TRPM6: variants seen among roughly 807,000 people sequenced by gnomAD.
TRPM6 encodes channel kinase 2.
Under a neutral mutation model 247.6 loss-of-function variants are expected in TRPM6, and 111 were observed. The ratio of observed to expected loss-of-function variants is 0.45; its 90% confidence interval spans 0.38 to 0.52. The LOEUF (loss-of-function observed/expected upper bound fraction) is 0.52. Among genes scored for constraint, TRPM6 ranks in the 20% least tolerant of loss-of-function variants. TRPM6 has a pLI of 0.00. For synonymous variants in TRPM6, 892 were observed against 853.8 expected (o/e 1.04, Z -0.78); for missense variants, 2,126 against 2,421.5 (o/e 0.88, Z 2.56).
intron 1 of TRPM6, among the ~76,000 whole-genome samples, chr9:74,876,083 T>A (rs945571179): frequency 6.6e-5 from 10 of 152,150 alleles, no homozygotes; most frequent in Admixed American, 5.2e-4. Flanking sequence ...TAACAATTTA[T>A]TTATTTACTT....
rs565971914 is a variant in TRPM6, at chr9:74,773,145, C to T, written c.3404-1310G>A. Among the ~76,000 whole-genome samples the T allele has an allele frequency of 7.9e-5, 12 of 152,188 alleles. No individual in the cohort carries two copies. The East Asian group carries it at 2.3e-3, about 29-fold the overall frequency. ...CCATCTCAAACAACAACAACAACAA[C>T]AACAACAAAAACCCTACCAATCTAT... On this transcript the variant is annotated intron_variant, in intron 24 of 38. Coordinates refer to ENST00000360774, the MANE Select transcript of TRPM6 (RefSeq NM_017662.5).
At chr9:74,798,483 CA>C in intron 17 of TRPM6, among the ~76,000 whole-genome samples, 1 of 152,242 alleles carries the variant, frequency 6.6e-6, no homozygotes, top group East Asian at 1.9e-4. Flanking sequence ...AATCTCTAGA[CA>C]ACTTCCTGAA....
chr9:74,723,823 T>TAAA lies in TRPM6; in HGVS notation c.*789_*790insTTT, dbSNP rs1418430478. ...AAAAATAAAAATATATATATATATA[T>TAAA]ATAAAATATATATATTCCATATGTA... is the stretch of plus-strand genomic sequence containing the variant. On this transcript the variant is annotated 3_prime_UTR_variant, in exon 39 of 39. Transcript: ENST00000360774. 6.2e-3 allele frequency: 906 copies of TAAA among 145,722 alleles called. 6 individuals are homozygous for TAAA. Among genetic ancestry groups the TAAA allele is most frequent in the Middle Eastern group, 0.018 (5 of 280 alleles). 9.0% of individuals were successfully genotyped at this position (145,722 alleles called of 1,614,324 possible). A position where few individuals can be genotyped will look rare whatever the true frequency, so the allele number is the denominator to read the frequency against.
At chr9:74,863,651 G>A (rs1007487505) in intron 1 of TRPM6, among the ~76,000 whole-genome samples, 2 of 151,994 alleles carry the variant, frequency 1.3e-5, no homozygotes, top group East Asian at 3.9e-4. Flanking sequence ...GCGCGATCTC[G>A]GCTCACTGCG....
chr9:74,786,251 C>G (rs1827659958), intron 20 of TRPM6, 126 bp from the exon 21 acceptor site: 23 of 1,011,914 alleles, frequency 2.3e-5, no homozygotes, highest in Non-Finnish European at 7.5e-6. Context: ...CCTTAAATCA[C>G]TTGCGGATTT....
chr9:74,745,446 A>AGT lies in TRPM6; in HGVS notation c.5084-1303_5084-1302dup, dbSNP rs759532835. On this transcript the variant is annotated intron_variant, in intron 31 of 38. Transcript: ENST00000360774. ...AATAAATATATAGTGCATATAGTAT[A>AGT]GTGTGTGTGTGTGTGCGTGTGTGTG... Among the ~76,000 whole-genome samples the AGT allele has an allele frequency of 1.0e-3, 154 of 150,588 alleles. 2 individuals carry two copies. The Middle Eastern group carries it at 0.024, about 23-fold the overall frequency.
intron 38 of TRPM6, among the ~76,000 whole-genome samples, chr9:74,727,040 T>C (rs1451273376): frequency 6.6e-6 from 1 of 152,076 alleles, no homozygotes; most frequent in African/African-American, 2.4e-5. Flanking sequence ...GACCACTATA[T>C]TCCCAGTGGA....
intron 13 of TRPM6, among the ~76,000 whole-genome samples, chr9:74,809,805 C>A (rs1455656992): frequency 6.6e-6 from 1 of 151,662 alleles, no homozygotes; most frequent in Non-Finnish European, 1.5e-5. Context: ...ATGGTGAAAC[C>A]CCACGTCTAC....
chr9:74,729,068 C>T (rs549714898), intron 37 of TRPM6, among the ~76,000 whole-genome samples: 3 of 152,264 alleles, frequency 2.0e-5, no homozygotes, highest in Non-Finnish European at 2.9e-5. Flanking sequence ...AGTGTTCATC[C>T]GTTATCATAT....
intron 7 of TRPM6, among the ~76,000 whole-genome samples, chr9:74,824,298 G>A (rs1046899943): frequency 6.0e-5 from 9 of 151,250 alleles, no homozygotes; most frequent in Non-Finnish European, 1.0e-4. Flanking sequence ...TTACAGGTGC[G>A]CGCCATCATG....
At chr9:74,757,756 T>C (rs1478108655) in intron 27 of TRPM6, among the ~76,000 whole-genome samples, 1 of 151,424 alleles carries the variant, frequency 6.6e-6, no homozygotes, top group African/African-American at 2.4e-5. Flanking sequence ...CTATTAAAAA[T>C]ACAAAAATTA....
chr9:74,767,624 C>T (rs1393472704), intron 25 of TRPM6, among the ~76,000 whole-genome samples: 1 of 152,028 alleles, frequency 6.6e-6, no homozygotes, highest in African/African-American at 2.4e-5. Context: ...AGAACAGTGC[C>T]ACTGAGATAG....
At chr9:74,782,013 T>C (rs189019100) in intron 23 of TRPM6, among the ~76,000 whole-genome samples, 29 of 152,312 alleles carry the variant, frequency 1.9e-4, no homozygotes, top group African/African-American at 7.0e-4. Flanking sequence ...TTAGGTATTA[T>C]AGAGAATTTA....
At chr9:74,871,278 G>A (rs1831021359) in intron 1 of TRPM6, among the ~76,000 whole-genome samples, 1 of 152,004 alleles carries the variant, frequency 6.6e-6, no homozygotes, top group South Asian at 2.1e-4. Context: ...CTGTTCCCCA[G>A]CCATCCAGTT....
At chr9:74,758,214 T>C (rs1192063683) in intron 27 of TRPM6, among the ~76,000 whole-genome samples, 1 of 152,110 alleles carries the variant, frequency 6.6e-6, no homozygotes, top group African/African-American at 2.4e-5. Flanking sequence ...ACTGAAATAA[T>C]ATCAATTCCT....
intron 1 of TRPM6, among the ~76,000 whole-genome samples, chr9:74,863,907 C>A (rs1227373900): frequency 2.0e-5 from 3 of 148,022 alleles, no homozygotes; most frequent in Admixed American, 1.4e-4. Context: ...TTTAAAAAAA[C>A]ATCCACAAGT....
intron 37 of TRPM6, among the ~76,000 whole-genome samples, chr9:74,730,419 C>A (rs762219314): frequency 4.6e-5 from 7 of 152,166 alleles, no homozygotes; most frequent in Non-Finnish European, 1.0e-4. Flanking sequence ...AGAGGGTTAT[C>A]CTTTCATTGA....
chr9:74,830,058 C>A (rs993345214), intron 6 of TRPM6, among the ~76,000 whole-genome samples: 1 of 152,068 alleles, frequency 6.6e-6, no homozygotes, highest in Admixed American at 6.6e-5. Flanking sequence ...TTGAGCCCAA[C>A]AGTTCAAGAC....
intron 23 of TRPM6, among the ~76,000 whole-genome samples, chr9:74,780,332 C>A (rs899001956): frequency 1.4e-4 from 21 of 151,732 alleles, no homozygotes; most frequent in Non-Finnish European, 2.6e-4. Flanking sequence ...CACACACCTG[C>A]AATCCCAGCC....
Sources: gnomAD v4.1 joint callset for allele counts (sites outside exome capture counted in the v4.1 genomes callset) on GRCh38, gnomAD v4.1.1 for gene constraint, MANE v1.5 for transcripts, NCBI Gene and HGNC (gene_info 2026-07-23, HGNC 2026-07-21) for gene names.